The following GFM1 variants were observed in gnomAD, a reference collection of about 807,000 sequenced individuals.
GFM1 encodes elongation factor G, mitochondrial.
In GFM1, 62 loss-of-function variants were observed where a neutral mutation model predicts 96.2. The observed-to-expected ratio is 0.64, with a 90% CI of 0.53 to 0.80. The LOEUF (loss-of-function observed/expected upper bound fraction) is 0.80. Among genes scored for constraint, GFM1 ranks in the 30% least tolerant of loss-of-function variants. The pLI is 0.00. For synonymous variants in GFM1, 282 were observed against 312.9 expected (o/e 0.90, Z 1.04); for missense variants, 852 against 916.6 (o/e 0.93, Z 0.91).
At chr3:158,656,646 A>G (rs961477200) in intron 8 of GFM1, 9 of 152,238 alleles carry the variant, frequency 5.9e-5, no homozygotes, top group African/African-American at 2.2e-4. Flanking sequence ...GGCACTATCT[A>G]CATAAGTTAT....
chr3:158,689,747 CA>C (rs202180927), intron 15 of GFM1, among the ~76,000 whole-genome samples: 22,343 of 92,226 alleles, frequency 0.24, 1,463 homozygotes, highest in Middle Eastern at 0.32. Context: ...GCTTGGGTGA[CA>C]AAAAAAAAAA....
At chr3:158,687,471 T>C (rs1413813885) in intron 15 of GFM1, among the ~76,000 whole-genome samples, 1 of 152,128 alleles carries the variant, frequency 6.6e-6, no homozygotes, top group African/African-American at 2.4e-5. Context: ...ACAATTATTA[T>C]TAGTATTATT....
chr3:158,670,911 TGATA>T, intron 13 of GFM1: 1 of 1,455,108 alleles, frequency 6.9e-7, no homozygotes, highest in Non-Finnish European at 9.1e-7. Context: ...TCAGCCTGGG[TGATA>T]GAGTGAGACC....
chr3:158,659,797 A>G (rs1279828674), intron 9 of GFM1, among the ~76,000 whole-genome samples: 1 of 152,212 alleles, frequency 6.6e-6, no homozygotes, highest in Non-Finnish European at 1.5e-5. Flanking sequence ...TTTGGTAGCC[A>G]TAACTTTTGT....
intron 5 of GFM1, chr3:158,649,567 A>G: frequency 5.1e-6 from 1 of 195,394 alleles, no homozygotes; most frequent in East Asian, 1.3e-4. Flanking sequence ...GATCATAAAT[A>G]TTTGCTCTTC....
intron 13 of GFM1, among the ~76,000 whole-genome samples, chr3:158,680,106 A>G (rs571468261): frequency 6.6e-6 from 1 of 152,088 alleles, no homozygotes; most frequent in African/African-American, 2.4e-5. Flanking sequence ...ATGTATATAT[A>G]TTTTTCGTTG....
chr3:158,671,405 AAAT>A (rs1170381137), intron 13 of GFM1, among the ~76,000 whole-genome samples: 1 of 152,252 alleles, frequency 6.6e-6, no homozygotes, highest in East Asian at 1.9e-4. Flanking sequence ...TGTACCCTCC[AAAT>A]AATGTTCAAT....
intron 5 of GFM1, chr3:158,650,023 C>T (rs1205188426): frequency 6.5e-7 from 1 of 1,535,970 alleles, no homozygotes; most frequent in Non-Finnish European, 8.7e-7. Flanking sequence ...TGAGGGATTT[C>T]CTTCCTCTGC....
chr3:158,685,751 T>G (rs1479144517), intron 15 of GFM1, among the ~76,000 whole-genome samples: 1 of 152,214 alleles, frequency 6.6e-6, no homozygotes, highest in Non-Finnish European at 1.5e-5. Flanking sequence ...CTGAAGATTG[T>G]GTAAATAGGA....
At chr3:158,690,902 C>G (rs1413466183) in intron 16 of GFM1, among the ~76,000 whole-genome samples, 1 of 152,206 alleles carries the variant, frequency 6.6e-6, no homozygotes, top group Admixed American at 6.5e-5. Flanking sequence ...ATGGTGTTCA[C>G]TCCACGAAGT....
chr3:158,671,004 C>T, intron 13 of GFM1: 2 of 1,534,192 alleles, frequency 1.3e-6, no homozygotes, highest in Non-Finnish European at 1.7e-6. Context: ...TACTTATGTC[C>T]TCTTCCTGGA....
At chr3:158,647,294 T>C (rs1721898205) in intron 4 of GFM1, among the ~76,000 whole-genome samples, 1 of 152,236 alleles carries the variant, frequency 6.6e-6, no homozygotes. Context: ...AAGATCATCT[T>C]TGGTTTTAAT....
chr3:158,667,049 A>G (rs1403373106), intron 13 of GFM1: 1 of 1,593,374 alleles, frequency 6.3e-7, no homozygotes, highest in East Asian at 2.2e-5. Flanking sequence ...GGTGTAGTCT[A>G]ATTCAATAAA....
intron 15 of GFM1, 60 bp from the exon 16 acceptor site, chr3:158,690,103 T>A (rs1726181129): frequency 2.1e-5 from 30 of 1,424,316 alleles, no homozygotes; most frequent in Middle Eastern, 1.8e-4. Context: ...TTTTTATATC[T>A]GGACAGAAGA....
intron 13 of GFM1, chr3:158,669,361 T>G: frequency 6.9e-7 from 1 of 1,448,240 alleles, no homozygotes; most frequent in Non-Finnish European, 9.4e-7. Context: ...AACTAACAAT[T>G]TTAAGCACAG....
chr3:158,666,362 G>C lies in GFM1; in HGVS notation c.1577G>C (p.Arg526Pro). 6.2e-7 allele frequency: 1 copy of C among 1,613,588 alleles called. No homozygotes were observed. The highest frequency in any genetic ancestry group is 8.5e-7 in the Non-Finnish European group (1 of 1,179,670). Residue 526 changes from arginine to proline, a missense_variant, in exon 13 of 18, where the codon CGA (arginine) becomes CCA (proline). Coordinates refer to ENST00000486715, the MANE Select transcript of GFM1 (RefSeq NM_024996.7). The stretch of plus-strand genomic sequence containing the variant: ...ACAGGAAAGCCAAAAGTTGCCTTTC[G>C]AGAGACCATTACTGCCCCTGTCCCG... ...CITGKPKVAF[R>P]ETITAPVPFD...
At chr3:158,650,342 T>G in intron 5 of GFM1, 1 of 342,734 alleles carries the variant, frequency 2.9e-6, no homozygotes, top group Non-Finnish European at 5.5e-6. Flanking sequence ...TAGTACATAA[T>G]AGGGACTCAA....
intron 13 of GFM1, chr3:158,667,027 A>G: frequency 6.3e-7 from 1 of 1,596,434 alleles, no homozygotes; most frequent in Non-Finnish European, 8.5e-7. Flanking sequence ...ATGCTATATT[A>G]TGAAGTAGAA....
At chr3:158,687,015 A>G (rs1403247739) in intron 15 of GFM1, among the ~76,000 whole-genome samples, 1 of 149,816 alleles carries the variant, frequency 6.7e-6, no homozygotes, top group Non-Finnish European at 1.5e-5. Context: ...TTACTTTTCT[A>G]TTTTTGAGAC....
Sources: allele counts gnomAD v4.1 joint callset (sites outside exome capture counted in the v4.1 genomes callset), GRCh38; gene constraint gnomAD v4.1.1; transcripts MANE v1.5; gene names NCBI Gene and HGNC (gene_info 2026-07-23, HGNC 2026-07-21).